OR51B5: variants seen among roughly 807,000 people sequenced by gnomAD.
OR51B5 encodes the protein olfactory receptor family 51 subfamily B member 5.
For synonymous variants in OR51B5, 186 were observed against 144.8 expected (o/e 1.28, Z -2.04); for missense variants, 456 against 374.6 (o/e 1.22, Z -1.79).
intron 1 of OR51B5, among the ~76,000 whole-genome samples, chr11:5,369,948 T>C (rs906904245): frequency 3.9e-5 from 6 of 152,168 alleles, no homozygotes; most frequent in Admixed American, 3.9e-4. Context: ...GGATTTTTAC[T>C]CAAGGAAAGG....
At chr11:5,346,945 AAG>A (rs1398434180), upstream of OR51B5, 4 of 152,168 alleles carry the variant, frequency 2.6e-5, no homozygotes, top group African/African-American at 9.7e-5. Context: ...GTTATTAATA[AAG>A]ATAGCACCTT....
intron 1 of OR51B5, among the ~76,000 whole-genome samples, chr11:5,467,079 C>A (rs1251690679): frequency 2.0e-5 from 3 of 152,174 alleles, no homozygotes; most frequent in African/African-American, 7.2e-5. Context: ...ATGCTGAGGA[C>A]CACCACAGCA....
At chr11:5,480,611 C>A (rs1250051848) in intron 1 of OR51B5, among the ~76,000 whole-genome samples, 1 of 151,366 alleles carries the variant, frequency 6.6e-6, no homozygotes, top group African/African-American at 2.4e-5. Flanking sequence ...AGACCGCTAG[C>A]AAGACTAATA....
chr11:5,422,963 A>T, intron 1 of OR51B5: 1 of 1,614,022 alleles, frequency 6.2e-7, no homozygotes, highest in Middle Eastern at 1.6e-4. Context: ...GGTCCTCTAC[A>T]TTCCCATGGT....
chr11:5,497,303 T>G (rs1272780315), intron 1 of OR51B5, among the ~76,000 whole-genome samples: 1 of 152,136 alleles, frequency 6.6e-6, no homozygotes, highest in Non-Finnish European at 1.5e-5. Flanking sequence ...TCCCAGCTAC[T>G]CCAGAGGCTG....
At chr11:5,358,400 G>T (rs1280436202) in intron 1 of OR51B5, among the ~76,000 whole-genome samples, 4 of 152,114 alleles carry the variant, frequency 2.6e-5, no homozygotes, top group African/African-American at 7.2e-5. Flanking sequence ...TAGAAGAAAT[G>T]GATAAATTCC....
chr11:5,386,086 T>G (rs1415283041), intron 1 of OR51B5, among the ~76,000 whole-genome samples: 2 of 152,088 alleles, frequency 1.3e-5, no homozygotes, highest in African/African-American at 4.8e-5. Flanking sequence ...CAGGAGAGAT[T>G]TGACAGAAGA....
At chr11:5,479,643 C>A (rs1004322520) in intron 1 of OR51B5, among the ~76,000 whole-genome samples, 1 of 151,814 alleles carries the variant, frequency 6.6e-6, no homozygotes, top group African/African-American at 2.4e-5. Flanking sequence ...CACACGTAGG[C>A]TCAAAATAAA....
rs1200865682 is a variant in OR51B5, at chr11:5,375,165, T to C, written n.85-28255A>G. ...AGAAACTCTACAAGCCAGAAGAGAG[T>C]GGGGGCCAATATTCAACATCCTTAA... On this transcript the variant is annotated intron_variant and non_coding_transcript_variant, in intron 1 of 4. Transcript: ENST00000415970. Among the ~76,000 whole-genome samples, 7 of 146,286 alleles carry C rather than the reference T, an allele frequency of 4.8e-5. No homozygotes were observed. The East Asian group carries it at 9.9e-4, about 21-fold the overall frequency.
chr11:5,374,272 C>A (rs1849489937), intron 1 of OR51B5, among the ~76,000 whole-genome samples: 1 of 152,120 alleles, frequency 6.6e-6, no homozygotes, highest in African/African-American at 2.4e-5. Flanking sequence ...GCTGAGGGTC[C>A]TGTCTGTTAG....
chr11:5,468,534 C>T, intron 1 of OR51B5: 1 of 385,390 alleles, frequency 2.6e-6, no homozygotes, highest in African/African-American at 2.1e-5. Context: ...TGCGAATCTC[C>T]TTAGTCTTGA....
intron 1 of OR51B5, among the ~76,000 whole-genome samples, chr11:5,356,984 T>C (rs377689508): frequency 1.4e-3 from 195 of 143,756 alleles, no homozygotes; most frequent in South Asian, 2.7e-3. Context: ...AAGCACTAAA[T>C]ATGGAAAGGC....
intron 1 of OR51B5, among the ~76,000 whole-genome samples, chr11:5,468,113 A>G (rs1447639983): frequency 1.3e-5 from 2 of 152,248 alleles, no homozygotes; most frequent in African/African-American, 2.4e-5. Flanking sequence ...ATATGATCTC[A>G]GGTAACATAA....
chr11:5,454,407 T>C (rs773207080), intron 1 of OR51B5: 1 of 1,605,468 alleles, frequency 6.2e-7, no homozygotes, highest in East Asian at 2.2e-5. Context: ...TTTCCGCATG[T>C]TTCACCACAT....
downstream of OR51B5, chr11:5,341,141 G>GAGAT (rs1848886312): frequency 2.0e-5 from 3 of 152,192 alleles, no homozygotes; most frequent in Admixed American, 2.0e-4. Context: ...AGCAATACCT[G>GAGAT]AGATAGGGAT....
chr11:5,448,121 C>A (rs574029621), intron 1 of OR51B5, among the ~76,000 whole-genome samples: 6 of 152,290 alleles, frequency 3.9e-5, no homozygotes, highest in Admixed American at 6.5e-5. Context: ...TACAATGATA[C>A]CTTCATATTC....
At chr11:5,461,275 G>A (rs2736573) in intron 1 of OR51B5, among the ~76,000 whole-genome samples, 2,953 of 152,230 alleles carry the variant, frequency 0.019, 94 homozygotes, top group African/African-American at 0.062. Flanking sequence ...GAGGCGAGGC[G>A]CGCCGGCGGG....
chr11:5,487,906 A>G (rs1348855477), intron 1 of OR51B5, among the ~76,000 whole-genome samples: 1 of 152,182 alleles, frequency 6.6e-6, no homozygotes, highest in African/African-American at 2.4e-5. Flanking sequence ...TATATATTCA[A>G]TCATGATATG....
chr11:5,413,360 A>C (rs1380415770), intron 1 of OR51B5, among the ~76,000 whole-genome samples: 2 of 152,146 alleles, frequency 1.3e-5, no homozygotes, highest in African/African-American at 4.8e-5. Flanking sequence ...AAAACTGGAA[A>C]CTCTAAAAAG....
Sources: gnomAD v4.1 joint callset for allele counts (sites outside exome capture counted in the v4.1 genomes callset) on GRCh38, gnomAD v4.1.1 for gene constraint, MANE v1.5 for transcripts, NCBI Gene and HGNC (gene_info 2026-07-23, HGNC 2026-07-21) for gene names.